The following FGFR2 variants were observed in gnomAD, a reference collection of about 807,000 sequenced individuals.
FGFR2 encodes the protein BEK fibroblast growth factor receptor.
FGFR2 carries 19 observed loss-of-function variants against 95.9 expected under a neutral mutation model. The observed-to-expected ratio is 0.20, with a 90% CI of 0.14 to 0.29. The LOEUF (loss-of-function observed/expected upper bound fraction) is 0.29, where lower values mean the gene tolerates loss of function less well. FGFR2 is among the 10% of genes least tolerant of loss of function. The pLI, the probability that FGFR2 is intolerant of heterozygous loss-of-function variation, is 1.00. For missense variants in FGFR2, 707 were observed against 1,056.9 expected, an observed-to-expected ratio of 0.67 and a Z score of 4.59; for synonymous variants, 392 against 393.3, an observed-to-expected ratio of 1.00 and a Z score of 0.04.
At chr10:121,507,877 G>A (rs1299509768) in intron 9 of FGFR2, among the ~76,000 whole-genome samples, 1 of 152,134 alleles carries the variant, frequency 6.6e-6, no homozygotes, top group Non-Finnish European at 1.5e-5. Flanking sequence ...TGTGGGTTCC[G>A]CATTCATGGT....
At chr10:121,508,117 G>T (rs4752566) in intron 9 of FGFR2, among the ~76,000 whole-genome samples, 59,230 of 152,086 alleles carry the variant, frequency 0.39, 13,780 homozygotes, top group East Asian at 0.88. Context: ...GGCATCCACA[G>T]ATTTTGGTAT....
At chr10:121,540,804 T>TCACG (rs1448014803) in intron 5 of FGFR2, among the ~76,000 whole-genome samples, 1 of 152,214 alleles carries the variant, frequency 6.6e-6, no homozygotes, top group Non-Finnish European at 1.5e-5. Context: ...AAGCCCTTAA[T>TCACG]CACGGCTAGT....
chr10:121,518,062 A>G lies in FGFR2; in HGVS notation c.940-599T>C, dbSNP rs755999254. ...CAAGCATCATCTTGGTAACCAAAAA[A>G]ACTGGGCTTTTTCTCTTTTCATTAA... On this transcript the variant is annotated intron_variant, in intron 7 of 17. Transcript: ENST00000358487. The surrounding 1 kb of genome is among the most constrained non-coding windows in gnomAD (Gnocchi z 4.0). 2 of 499,848 alleles carry G rather than the reference A, an allele frequency of 4.0e-6. No individual in the cohort carries two copies. The highest frequency in any genetic ancestry group is 1.1e-4 in the East Asian group (2 of 17,994). 31.0% of individuals were successfully genotyped at this position (499,848 alleles called of 1,614,324 possible).
chr10:121,525,644 AG>A (rs1321755425), intron 6 of FGFR2, among the ~76,000 whole-genome samples: 5 of 119,238 alleles, frequency 4.2e-5, no homozygotes, highest in African/African-American at 1.4e-4. Flanking sequence ...AGAGAGAGAG[AG>A]AGGAAAAAAA....
intron 17 of FGFR2, 135 bp from the exon 18 acceptor site, chr10:121,480,156 C>T: frequency 1.0e-6 from 1 of 993,922 alleles, no homozygotes; most frequent in Non-Finnish European, 1.6e-6. Flanking sequence ...AACACAAACT[C>T]TTGAGATGTG....
rs781714766 is a variant in FGFR2, at chr10:121,515,239, C to A, written c.1165G>T (p.Ala389Ser). 1 of 1,614,124 alleles carries A rather than the reference C, an allele frequency of 6.2e-7. No homozygotes were observed. Among genetic ancestry groups the A allele is most frequent in the South Asian group, 1.1e-5 (1 of 91,078 alleles). ...AGGATGACTGTTACCACCATACAGG[C>A]GATTAAGAAGACCCCTATGCAGTAA... ...AIYCIGVFLI[A>S]CMVVTVILCR... is the part of the protein sequence containing the mutation. Residue 389 changes from alanine (A) to serine (S), a missense_variant, in exon 9 of 18, where the codon GCC (alanine) becomes TCC (serine). Ala to Ser is a moderately conservative substitution (Grantham distance 99, BLOSUM62 1). Coordinates refer to ENST00000358487, the MANE Select transcript of FGFR2 (RefSeq NM_000141.5).
intron 13 of FGFR2, among the ~76,000 whole-genome samples, chr10:121,491,757 C>G (rs959435097): frequency 5.3e-5 from 8 of 151,786 alleles, no homozygotes; most frequent in African/African-American, 1.7e-4. Flanking sequence ...GTAGTCCCAG[C>G]TACTTGGGAG....
chr10:121,553,521 T>C (rs919254436), intron 4 of FGFR2, among the ~76,000 whole-genome samples: 5 of 152,192 alleles, frequency 3.3e-5, no homozygotes, highest in South Asian at 4.1e-4. Context: ...AAAGAAACCA[T>C]TGAGAGCACA....
At chr10:121,552,213 AT>A (rs1293548482) in intron 4 of FGFR2, among the ~76,000 whole-genome samples, 1 of 152,198 alleles carries the variant, frequency 6.6e-6, no homozygotes, top group Non-Finnish European at 1.5e-5. Context: ...AATACAAGTG[AT>A]TTTTTAAAGT....
intron 9 of FGFR2, among the ~76,000 whole-genome samples, chr10:121,506,343 GC>G: frequency 9.7e-6 from 1 of 103,064 alleles, no homozygotes; most frequent in African/African-American, 3.8e-5. Flanking sequence ...GGGCAACAGA[GC>G]AAGACTCCGT....
rs1286896001 is a variant in FGFR2, at chr10:121,485,385, C to T, written c.2195+10G>A. 6.2e-7 allele frequency: 1 copy of T among 1,614,072 alleles called. No individual in the cohort carries two copies. Among genetic ancestry groups the T allele is most frequent in the African/African-American group, 1.3e-5 (1 of 75,006 alleles). ...ACTGGGGCACCGGCAGGAAAGACAA[C>T]AGCCCTTACAGTTCGTTGGTGCAGT... On this transcript the variant is annotated intron_variant, in intron 16 of 17. Coordinates refer to ENST00000358487, the MANE Select transcript of FGFR2 (RefSeq NM_000141.5). The surrounding 1 kb of genome is among the most constrained non-coding windows in gnomAD (Gnocchi z 4.2).
At chr10:121,565,404 GAAGA>G in intron 3 of FGFR2, 30 bp downstream of exon 3, 1 of 1,613,094 alleles carries the variant, frequency 6.2e-7, no homozygotes, top group Non-Finnish European at 8.5e-7. Context: ...TGGCTACAGA[GAAGA>G]GAGAGCATAG....
At chr10:121,561,125 T>C (rs1054849021) in intron 4 of FGFR2, among the ~76,000 whole-genome samples, 2 of 152,122 alleles carry the variant, frequency 1.3e-5, no homozygotes, top group African/African-American at 4.8e-5. Context: ...TATTTTATCT[T>C]TTTCCTTTAA....
chr10:121,535,023 G>A (rs1437496108), intron 6 of FGFR2, among the ~76,000 whole-genome samples: 2 of 152,112 alleles, frequency 1.3e-5, no homozygotes, highest in African/African-American at 2.4e-5. Flanking sequence ...TGGATTTACG[G>A]TGGGCCCTAA....
At chr10:121,481,260 A>G (rs755448951) in intron 17 of FGFR2, among the ~76,000 whole-genome samples, 3 of 152,192 alleles carry the variant, frequency 2.0e-5, no homozygotes, top group Non-Finnish European at 4.4e-5. Context: ...TCACACATCC[A>G]GAAGCCAACA....
chr10:121,577,174 T>TAGAGAGAG (rs1426070759), intron 2 of FGFR2, among the ~76,000 whole-genome samples: 54 of 4,794 alleles, frequency 0.011, 1 homozygote, highest in Non-Finnish European at 0.017. Context: ...TATATATATA[T>TAGAGAGAG]ATATAGAGAG....
chr10:121,588,014 T>G (rs897030502), intron 2 of FGFR2, among the ~76,000 whole-genome samples: 5 of 152,178 alleles, frequency 3.3e-5, no homozygotes, highest in Non-Finnish European at 7.3e-5. Flanking sequence ...AGTAACAGAT[T>G]GGATAAAGAA....
intron 8 of FGFR2, among the ~76,000 whole-genome samples, chr10:121,515,817 T>G (rs1849641758): frequency 6.7e-6 from 1 of 150,014 alleles, no homozygotes; most frequent in Admixed American, 6.7e-5. Context: ...CAATTCCATA[T>G]GAAACTGATG....
intron 4 of FGFR2, among the ~76,000 whole-genome samples, chr10:121,551,948 T>C (rs1051604180): frequency 1.3e-5 from 2 of 152,112 alleles, no homozygotes; most frequent in Admixed American, 1.3e-4. Context: ...ATAGTATAAA[T>C]TGTCATTCTA....
Sources: gnomAD v4.1 joint callset for allele counts (sites outside exome capture counted in the v4.1 genomes callset) on GRCh38, gnomAD v4.1.1 for gene constraint, Gnocchi (gnomAD v3.1) non-coding constraint, MANE v1.5 for transcripts, NCBI Gene and HGNC (gene_info 2026-07-23, HGNC 2026-07-21) for gene names.